The following STARD13 variants were observed in gnomAD, a reference collection of about 807,000 sequenced individuals.
STARD13 encodes the protein StAR related lipid transfer domain containing 13, also known as stAR-related lipid transfer protein 13.
In STARD13, 62 loss-of-function variants were observed where a neutral mutation model predicts 106.4. The observed-to-expected ratio is 0.58, with a 90% CI of 0.48 to 0.72. The LOEUF (loss-of-function observed/expected upper bound fraction) is 0.72, where lower values mean the gene tolerates loss of function less well. Ranked by LOEUF, STARD13 falls within the 30% of genes least tolerant of loss-of-function variation. The probability of loss-of-function intolerance (pLI) is 0.00; values close to 1 mark genes in which losing one functional copy is unlikely to be tolerated. For missense variants in STARD13, 1,387 were observed against 1,424.0 expected (o/e 0.97, Z 0.42); for synonymous variants, 565 against 553.0 (o/e 1.02, Z -0.31).
At chr13:33,591,822 TA>T in the STARD13 span, among the ~76,000 whole-genome samples, 5,347 of 152,110 alleles carry the variant, frequency 0.035, 157 homozygotes, top group African/African-American at 0.071. Flanking sequence ...AAAAGAAACA[TA>T]AAAATCTATT....
chr13:33,221,871 C>T (rs1283525440), intron 1 of STARD13, among the ~76,000 whole-genome samples: 1 of 152,208 alleles, frequency 6.6e-6, no homozygotes, highest in Non-Finnish European at 1.5e-5. Context: ...GGGCATTAGG[C>T]TGGGTGCGGT....
At chr13:33,329,777 C>G (rs540503947) in intron 1 of STARD13, among the ~76,000 whole-genome samples, 2 of 150,668 alleles carry the variant, frequency 1.3e-5, no homozygotes, top group East Asian at 3.9e-4. Flanking sequence ...AATCTCGGCT[C>G]ACTGCAACCT....
intron 4 of STARD13, among the ~76,000 whole-genome samples, chr13:33,133,586 T>A (rs1878627985): frequency 1.3e-5 from 2 of 151,230 alleles, no homozygotes; most frequent in Admixed American, 1.3e-4. Flanking sequence ...AACTATTTGA[T>A]AGTGACACAC....
At chr13:33,167,706 A>G (rs1594023653) in intron 1 of STARD13, 84 bp from the exon 2 acceptor site, 1 of 1,393,218 alleles carries the variant, frequency 7.2e-7, no homozygotes, top group East Asian at 2.3e-5. Flanking sequence ...GACACTGGTG[A>G]GCTTTGTGCA....
chr13:33,544,345 C>A, the STARD13 span, among the ~76,000 whole-genome samples: 5 of 152,216 alleles, frequency 3.3e-5, no homozygotes, highest in African/African-American at 4.8e-5. Flanking sequence ...ATCTTTTCAG[C>A]AGGACTTTTC....
intron 1 of STARD13, among the ~76,000 whole-genome samples, chr13:33,246,756 C>T (rs553606264): frequency 2.1e-4 from 32 of 151,952 alleles, no homozygotes; most frequent in Middle Eastern, 3.2e-3. Flanking sequence ...AAACACTATG[C>T]GGTGGGATTT....
At chr13:33,154,749 T>C (rs1027418875) in intron 3 of STARD13, among the ~76,000 whole-genome samples, 1 of 152,194 alleles carries the variant, frequency 6.6e-6, no homozygotes, top group Non-Finnish European at 1.5e-5. Flanking sequence ...TGTAACTGTT[T>C]ACAATAATTG....
the STARD13 span, among the ~76,000 whole-genome samples, chr13:33,368,224 C>T: frequency 1.5e-3 from 228 of 152,304 alleles, no homozygotes; most frequent in African/African-American, 5.1e-3. Context: ...CCTCCCTCCT[C>T]GATCCTGGCC....
intron 1 of STARD13, among the ~76,000 whole-genome samples, chr13:33,269,711 A>G (rs1328851883): frequency 6.6e-6 from 1 of 152,222 alleles, no homozygotes; most frequent in Non-Finnish European, 1.5e-5. Flanking sequence ...ATGGGAAATT[A>G]TTAAAGGTGA....
chr13:33,474,284 T>A, the STARD13 span, among the ~76,000 whole-genome samples: 9 of 152,260 alleles, frequency 5.9e-5, no homozygotes, highest in African/African-American at 2.2e-4. Context: ...GATATGCCCT[T>A]TAAAAATCAA....
the STARD13 span, among the ~76,000 whole-genome samples, chr13:33,454,649 A>G: frequency 1.3e-5 from 2 of 152,214 alleles, no homozygotes; most frequent in Non-Finnish European, 2.9e-5. Flanking sequence ...TATTTATTGA[A>G]TGACTATTAT....
intron 3 of STARD13, among the ~76,000 whole-genome samples, chr13:33,153,246 G>A (rs1881520289): frequency 6.6e-6 from 1 of 152,192 alleles, no homozygotes; most frequent in Non-Finnish European, 1.5e-5. Flanking sequence ...CACTGACTAA[G>A]ATGCCATCCC....
intron 1 of STARD13, among the ~76,000 whole-genome samples, chr13:33,213,844 C>A (rs1887871008): frequency 6.6e-6 from 1 of 152,186 alleles, no homozygotes; most frequent in African/African-American, 2.4e-5. Context: ...TAATCCTGGG[C>A]AGAGAAATCC....
the STARD13 span, among the ~76,000 whole-genome samples, chr13:33,450,232 G>A: frequency 7.9e-5 from 12 of 152,074 alleles, no homozygotes; most frequent in Admixed American, 6.6e-5. Context: ...GTTATGTATG[G>A]CCTTTATTAT....
intron 3 of STARD13, among the ~76,000 whole-genome samples, chr13:33,146,256 G>A (rs543104368): frequency 7.0e-4 from 106 of 152,226 alleles, no homozygotes; most frequent in African/African-American, 2.2e-3. Context: ...CCCGGGAGGC[G>A]GAGGTTGCAG....
the STARD13 span, among the ~76,000 whole-genome samples, chr13:33,490,248 A>G: frequency 6.6e-6 from 1 of 152,178 alleles, no homozygotes; most frequent in East Asian, 1.9e-4. Context: ...TATGTACTAT[A>G]CTGATATGGA....
At chr13:33,246,716 A>G (rs1236372268) in intron 1 of STARD13, among the ~76,000 whole-genome samples, 1 of 152,164 alleles carries the variant, frequency 6.6e-6, no homozygotes, top group Non-Finnish European at 1.5e-5. Context: ...CAAAAACAAA[A>G]ACTAAGAGAG....
chr13:33,210,387 C>G (rs1047380040), intron 1 of STARD13, among the ~76,000 whole-genome samples: 1 of 152,112 alleles, frequency 6.6e-6, no homozygotes, highest in Non-Finnish European at 1.5e-5. Flanking sequence ...GCACTTAATG[C>G]CCAAATGCCT....
At chr13:33,383,159 T>C in the STARD13 span, among the ~76,000 whole-genome samples, 1 of 152,230 alleles carries the variant, frequency 6.6e-6, no homozygotes, top group African/African-American at 2.4e-5. Flanking sequence ...TCCCTTTCTT[T>C]GTCTCACAGA....
Sources: allele counts gnomAD v4.1 joint callset (sites outside exome capture counted in the v4.1 genomes callset), GRCh38; gene constraint gnomAD v4.1.1; transcripts MANE v1.5; gene names NCBI Gene and HGNC (gene_info 2026-07-23, HGNC 2026-07-21).